Variants in PLOD2 observed in about 807,000 individuals in gnomAD.
PLOD2 encodes lysine hydroxylase 2.
In PLOD2, 65 loss-of-function variants were observed where a neutral mutation model predicts 101.0. The ratio of observed to expected loss-of-function variants is 0.64; its 90% CI spans 0.53 to 0.79. The LOEUF is 0.79. Among genes scored for constraint, PLOD2 ranks in the 30% least tolerant of loss-of-function variants. The pLI is 0.00. For synonymous variants in PLOD2, 314 were observed against 302.9 expected (o/e 1.04, Z -0.38); for missense variants, 909 against 914.6 (o/e 0.99, Z 0.08).
chr3:146,079,828 T>A (rs1396161091), intron 12 of PLOD2, among the ~76,000 whole-genome samples: 1 of 152,026 alleles, frequency 6.6e-6, no homozygotes, highest in Non-Finnish European at 1.5e-5. Flanking sequence ...CCACTGAATA[T>A]AGCCTAAAAT....
chr3:146,072,583 T>C lies in PLOD2; in HGVS notation c.1826A>G (p.Lys609Arg). Residue 609 changes from lysine to arginine, a missense_variant, in exon 17 of 20, where the codon AAA becomes AGA. Coordinates refer to ENST00000282903, the MANE Select transcript of PLOD2 (RefSeq NM_182943.3). Reference protein sequence around the residue: ...ELVEEMEHYGKWSGGKHHDSR... With the variant: ...ELVEEMEHYGRWSGGKHHDSR... The stretch of plus-strand genomic sequence containing the variant: ...TACATGATGTTTTCCCCCAGACCAT[T>C]TGCCGTAATGTTCCATTTCTTCTAC... 6.2e-7 allele frequency: 1 copy of C among 1,608,362 alleles called. No homozygotes were observed. The highest frequency in any genetic ancestry group is 8.5e-7 in the Non-Finnish European group (1 of 1,175,476).
intron 15 of PLOD2, among the ~76,000 whole-genome samples, chr3:146,075,560 T>C (rs188623073): frequency 1.3e-5 from 2 of 150,330 alleles, no homozygotes; most frequent in South Asian, 2.1e-4. Context: ...TAAGACTCCA[T>C]ATGCTGAATC....
intron 3 of PLOD2, among the ~76,000 whole-genome samples, chr3:146,115,791 A>G (rs980142348): frequency 2.0e-5 from 3 of 152,174 alleles, no homozygotes; most frequent in Admixed American, 6.5e-5. Context: ...TTTACAGAAA[A>G]TATTTTAGGT....
chr3:146,097,220 G>C (rs1937224027), intron 7 of PLOD2, among the ~76,000 whole-genome samples: 3 of 151,170 alleles, frequency 2.0e-5, no homozygotes, highest in Non-Finnish European at 3.0e-5. Context: ...TCCGGGAGGT[G>C]AGGGGCGCTT....
intron 1 of PLOD2, among the ~76,000 whole-genome samples, chr3:146,126,820 CT>C (rs67640547): frequency 0.52 from 78,330 of 151,678 alleles, 20,328 homozygotes; most frequent in Middle Eastern, 0.56. Flanking sequence ...ATTTCATTTA[CT>C]TTTTTTTAAA....
chr3:146,111,962 A>G (rs1031708159), intron 3 of PLOD2, among the ~76,000 whole-genome samples: 2 of 152,166 alleles, frequency 1.3e-5, no homozygotes, highest in Admixed American at 6.6e-5. Context: ...TGCGAGTGAT[A>G]AACAGACCCT....
At position 146,161,125 on chromosome 3, in the gene PLOD2, G is replaced by C. The variant is rs1460460792; in HGVS notation, c.-136C>G. 2.8e-5 allele frequency: 13 copies of C among 462,702 alleles called. No homozygotes were observed. Among genetic ancestry groups the C allele is most frequent in the Admixed American group, 1.4e-4 (3 of 21,826 alleles). 28.7% of individuals were successfully genotyped at this position (462,702 alleles called of 1,614,324 possible). ...GAGCCGGCGGGCAAGGCGCGCGGCC[G>C]GCAGCCGGAGCGGCGCGTAACGCAG... On this transcript the variant is annotated 5_prime_UTR_variant, in exon 1 of 20. Coordinates refer to ENST00000282903, the MANE Select transcript of PLOD2 (RefSeq NM_182943.3).
At chr3:146,145,215 A>T (rs557348932) in intron 1 of PLOD2, among the ~76,000 whole-genome samples, 68 of 152,314 alleles carry the variant, frequency 4.5e-4, no homozygotes, top group African/African-American at 1.6e-3. Flanking sequence ...TCAAAATAAA[A>T]GCAAATGTTT....
At chr3:146,145,794 G>GT (rs1425860100) in intron 1 of PLOD2, among the ~76,000 whole-genome samples, 4 of 92,816 alleles carry the variant, frequency 4.3e-5, no homozygotes, top group African/African-American at 2.0e-4. Flanking sequence ...TCCAGAAGCT[G>GT]TGAGTAAGCC....
chr3:146,146,909 C>A (rs1275540903), intron 1 of PLOD2, among the ~76,000 whole-genome samples: 1 of 152,050 alleles, frequency 6.6e-6, no homozygotes, highest in Non-Finnish European at 1.5e-5. Flanking sequence ...TGAATAGAAC[C>A]CTGACCAACA....
chr3:146,108,722 T>A (rs1937577680), intron 4 of PLOD2, among the ~76,000 whole-genome samples: 1 of 152,214 alleles, frequency 6.6e-6, no homozygotes, highest in African/African-American at 2.4e-5. Context: ...CTGCACTTGC[T>A]TGCTAATTTC....
chr3:146,084,089 C>T (rs1262469838), intron 11 of PLOD2, among the ~76,000 whole-genome samples: 2 of 151,894 alleles, frequency 1.3e-5, no homozygotes, highest in African/African-American at 4.8e-5. Context: ...GAAAACAATG[C>T]AAATTCAAGA....
intron 1 of PLOD2, among the ~76,000 whole-genome samples, chr3:146,132,497 C>G (rs73148974): frequency 0.089 from 13,503 of 152,064 alleles, 773 homozygotes; most frequent in South Asian, 0.14. Flanking sequence ...GCACCGAGAC[C>G]ATCCCCATCC....
chr3:146,081,601 A>C (rs1432333562), intron 12 of PLOD2, 137 bp downstream of exon 12: 9 of 630,696 alleles, frequency 1.4e-5, no homozygotes, highest in Non-Finnish European at 2.5e-5. Context: ...TCAGGATTCC[A>C]AGTGGTCTTG....
intron 9 of PLOD2, 29 bp downstream of exon 9, chr3:146,088,557 C>T (rs1936864232): frequency 2.1e-6 from 3 of 1,437,890 alleles, no homozygotes; most frequent in Non-Finnish European, 2.9e-6. Context: ...ATAGTTTTGA[C>T]ATAAAATATT....
intron 4 of PLOD2, among the ~76,000 whole-genome samples, chr3:146,108,210 T>TC (rs1937569929): frequency 6.6e-6 from 1 of 152,160 alleles, no homozygotes; most frequent in African/African-American, 2.4e-5. Flanking sequence ...GATGGGGCTC[T>TC]CACTCTGCCA....
At chr3:146,092,607 T>TG in intron 7 of PLOD2, among the ~76,000 whole-genome samples, 1 of 152,040 alleles carries the variant, frequency 6.6e-6, no homozygotes, top group Non-Finnish European at 1.5e-5. Context: ...TCTCTCTGAG[T>TG]ATCCCCTTTG....
intron 9 of PLOD2, among the ~76,000 whole-genome samples, chr3:146,087,697 C>A (rs539256236): frequency 1.3e-5 from 2 of 151,662 alleles, no homozygotes; most frequent in African/African-American, 4.8e-5. Context: ...AAGACAAAAA[C>A]GTCCGCCATC....
intron 1 of PLOD2, among the ~76,000 whole-genome samples, chr3:146,126,685 C>T (rs753521662): frequency 1.6e-4 from 24 of 152,072 alleles, no homozygotes; most frequent in Non-Finnish European, 3.1e-4. Context: ...ATGTTAGTCA[C>T]GGACCTGAGT....
Sources: gnomAD v4.1 joint callset for allele counts (sites outside exome capture counted in the v4.1 genomes callset) on GRCh38, gnomAD v4.1.1 for gene constraint, MANE v1.5 for transcripts, NCBI Gene and HGNC (gene_info 2026-07-23, HGNC 2026-07-21) for gene names.